Variants in SUGCT observed in about 807,000 individuals in gnomAD.
The protein encoded by SUGCT is succinyl-CoA:glutarate-CoA transferase, also known as succinyl-CoA:glutarate CoA-transferase.
SUGCT carries 41 observed loss-of-function variants against 55.0 expected under a neutral mutation model. That is an observed-to-expected ratio of 0.74 (90% confidence interval 0.58 to 0.97). The LOEUF (loss-of-function observed/expected upper bound fraction) is 0.97. Among genes scored for constraint, SUGCT ranks in the 50% least tolerant of loss-of-function variants. The probability of loss-of-function intolerance (pLI) is 0.00; values close to 1 mark genes in which losing one functional copy is unlikely to be tolerated. For synonymous variants in SUGCT, 187 were observed against 200.4 expected, an observed-to-expected ratio of 0.93 and a Z score of 0.56; for missense variants, 568 against 547.8, an observed-to-expected ratio of 1.04 and a Z score of -0.37.
At chr7:40,626,374 A>T (rs946495664) in intron 12 of SUGCT, among the ~76,000 whole-genome samples, 34 of 144,234 alleles carry the variant, frequency 2.4e-4, no homozygotes, top group African/African-American at 9.6e-4. Context: ...CTCCTGCTTC[A>T]GCCTCCTGAG....
At chr7:40,856,236 C>A (rs1313779230) in intron 13 of SUGCT, among the ~76,000 whole-genome samples, 2 of 152,088 alleles carry the variant, frequency 1.3e-5, no homozygotes, top group Admixed American at 1.3e-4. Flanking sequence ...AGTGATGATC[C>A]CTTCCATTCT....
chr7:40,673,397 C>T (rs996717480), intron 12 of SUGCT, among the ~76,000 whole-genome samples: 1 of 152,200 alleles, frequency 6.6e-6, no homozygotes, highest in African/African-American at 2.4e-5. Flanking sequence ...CCTCTCTTTG[C>T]TGCTCTGACT....
At chr7:40,306,240 A>G (rs113093332) in intron 8 of SUGCT, among the ~76,000 whole-genome samples, 3 of 152,258 alleles carry the variant, frequency 2.0e-5, no homozygotes, top group African/African-American at 7.2e-5. Flanking sequence ...ATACTTTTCC[A>G]AACATGTGAC....
chr7:40,471,247 T>C (rs1346651303), intron 11 of SUGCT, among the ~76,000 whole-genome samples: 5 of 152,130 alleles, frequency 3.3e-5, no homozygotes, highest in Non-Finnish European at 4.4e-5. Flanking sequence ...AAATAGAGGA[T>C]AAAATGGGTC....
At position 40,173,631 on chromosome 7, in the gene SUGCT, C is replaced by T. The variant is rs372501688; in HGVS notation, c.101-7316C>T. Reference sequence around the variant, plus strand: ...TTAACCTAATTGTATTTTAGTGAGCCCTCTTTACTACCTGATTGGTTGGAT... The same window carrying T: ...TTAACCTAATTGTATTTTAGTGAGCTCTCTTTACTACCTGATTGGTTGGAT... On this transcript the variant is annotated intron_variant, in intron 1 of 13. Transcript: ENST00000335693. 1.6e-4 allele frequency among the ~76,000 whole-genome samples: 24 copies of T among 152,064 alleles called. No homozygotes were observed. In the East Asian group the frequency reaches 4.1e-3, roughly 26 times the overall value.
chr7:40,593,910 G>A (rs1010533179), intron 12 of SUGCT, among the ~76,000 whole-genome samples: 4 of 152,024 alleles, frequency 2.6e-5, no homozygotes, highest in Non-Finnish European at 4.4e-5. Context: ...CAATAGCAAA[G>A]ACTTGGAACC....
the SUGCT span, among the ~76,000 whole-genome samples, chr7:40,937,147 T>A: frequency 6.6e-6 from 1 of 152,176 alleles, no homozygotes; most frequent in Non-Finnish European, 1.5e-5. Context: ...CTTTGTTATT[T>A]TTCAGTTTAG....
the SUGCT span, among the ~76,000 whole-genome samples, chr7:40,910,770 T>C: frequency 6.6e-6 from 1 of 152,200 alleles, no homozygotes; most frequent in Non-Finnish European, 1.5e-5. Flanking sequence ...TACCTCTCTA[T>C]GACCAGCACC....
the SUGCT span, among the ~76,000 whole-genome samples, chr7:40,964,124 T>C: frequency 6.6e-6 from 1 of 152,236 alleles, no homozygotes; most frequent in African/African-American, 2.4e-5. Context: ...CAATCCTTGC[T>C]CAAGAAGGAC....
At chr7:40,242,929 ATATATTTTTTTTTTT>A (rs1789529538) in intron 7 of SUGCT, among the ~76,000 whole-genome samples, 1 of 26,414 alleles carries the variant, frequency 3.8e-5, no homozygotes. Context: ...ATATATATAT[ATATATTTTTTTTTTT>A]TTTTTTTTTT....
At chr7:40,370,120 A>G (rs1784217954) in intron 9 of SUGCT, among the ~76,000 whole-genome samples, 1 of 152,184 alleles carries the variant, frequency 6.6e-6, no homozygotes, top group African/African-American at 2.4e-5. Flanking sequence ...GTGTATTTTG[A>G]TCTACTGCCA....
chr7:40,900,951 C>T, the SUGCT span, among the ~76,000 whole-genome samples: 6 of 152,212 alleles, frequency 3.9e-5, no homozygotes, highest in East Asian at 1.2e-3. Context: ...AATTGTCAGT[C>T]CAGGGATTTG....
chr7:40,198,827 T>C (rs917544782), intron 6 of SUGCT, among the ~76,000 whole-genome samples: 1 of 151,836 alleles, frequency 6.6e-6, no homozygotes, highest in African/African-American at 2.4e-5. Context: ...CGAAACCCCG[T>C]CTCTACTAAA....
At chr7:40,675,935 C>T (rs567852982) in intron 12 of SUGCT, among the ~76,000 whole-genome samples, 26 of 152,186 alleles carry the variant, frequency 1.7e-4, no homozygotes, top group South Asian at 1.7e-3. Flanking sequence ...TGTCTGTGGC[C>T]GCAGTCAGAT....
chr7:40,674,926 T>C (rs1450376525), intron 12 of SUGCT, among the ~76,000 whole-genome samples: 1 of 152,120 alleles, frequency 6.6e-6, no homozygotes, highest in Admixed American at 6.5e-5. Context: ...GGAAAGTTTT[T>C]GATTGAACCT....
intron 13 of SUGCT, among the ~76,000 whole-genome samples, chr7:40,754,648 C>T (rs1788171174): frequency 6.6e-6 from 1 of 152,136 alleles, no homozygotes; most frequent in Non-Finnish European, 1.5e-5. Context: ...ACCAGGGAGA[C>T]CTCACTTAGT....
At chr7:40,345,440 A>G (rs1314731817) in intron 9 of SUGCT, among the ~76,000 whole-genome samples, 3 of 152,200 alleles carry the variant, frequency 2.0e-5, no homozygotes, top group Admixed American at 6.5e-5. Flanking sequence ...ATACTGAAAC[A>G]TCAGTCTGAA....
chr7:40,896,559 A>G, the SUGCT span, among the ~76,000 whole-genome samples: 1 of 152,156 alleles, frequency 6.6e-6, no homozygotes, highest in South Asian at 2.1e-4. Context: ...TTCTCATGAG[A>G]TCTGATGGTT....
intron 12 of SUGCT, among the ~76,000 whole-genome samples, chr7:40,553,697 ATGTG>A (rs761789489): frequency 5.3e-5 from 8 of 151,126 alleles, no homozygotes; most frequent in African/African-American, 1.9e-4. Flanking sequence ...CTGCCACATT[ATGTG>A]TGTGTGTGTG....
Sources: allele counts gnomAD v4.1 joint callset (sites outside exome capture counted in the v4.1 genomes callset), GRCh38; gene constraint gnomAD v4.1.1; transcripts MANE v1.5; gene names NCBI Gene and HGNC (gene_info 2026-07-23, HGNC 2026-07-21).